Variants in TFCP2L1 observed in about 807,000 individuals in gnomAD.
TFCP2L1 encodes transcription factor CP2 like 1.
TFCP2L1 carries 12 observed loss-of-function variants against 72.2 expected under a neutral mutation model. That is an observed-to-expected ratio of 0.17 (90% CI 0.11 to 0.27). The LOEUF (loss-of-function observed/expected upper bound fraction) is 0.27, where lower values mean the gene tolerates loss of function less well. Among genes scored for constraint, TFCP2L1 ranks in the 10% least tolerant of loss-of-function variants. The probability of loss-of-function intolerance (pLI) is 1.00; values close to 1 mark genes in which losing one functional copy is unlikely to be tolerated. For missense variants in TFCP2L1, 488 were observed against 624.6 expected (o/e 0.78, Z 2.33); for synonymous variants, 260 against 251.0 (o/e 1.04, Z -0.34).
rs202049778 is a variant in TFCP2L1 at position 121,274,144 on chromosome 2, CAT to C, written c.214+6974_214+6975del. The stretch of plus-strand genomic sequence containing the variant: ...AACCAATTGTATCAATGCCTTTGGT[CAT>C]ATGATGAAGAATAAGCTACTTAAAT... On this transcript the variant is annotated intron_variant, in intron 2 of 14. Transcript: ENST00000263707. 2.0e-5 allele frequency among the ~76,000 whole-genome samples: 3 copies of C among 150,890 alleles called. No individual in the cohort carries two copies. In the East Asian group the frequency reaches 5.8e-4, roughly 29 times the overall value.
chr2:121,236,375 G>A (rs1686249525), intron 10 of TFCP2L1, among the ~76,000 whole-genome samples: 1 of 152,140 alleles, frequency 6.6e-6, no homozygotes, highest in African/African-American at 2.4e-5. Context: ...GTGAGGACGG[G>A]CCCACAGTTA....
At chr2:121,237,928 C>G in intron 8 of TFCP2L1, 78 bp from the exon 9 acceptor site, 1 of 1,466,808 alleles carries the variant, frequency 6.8e-7, no homozygotes, top group Middle Eastern at 1.7e-4. Flanking sequence ...CCCAGCCTGG[C>G]ACTTTTACTT....
At chr2:121,236,946 G>A (rs1020557548) in intron 10 of TFCP2L1, among the ~76,000 whole-genome samples, 2 of 152,206 alleles carry the variant, frequency 1.3e-5, no homozygotes, top group Non-Finnish European at 2.9e-5. Flanking sequence ...CAAGGACAGG[G>A]ACCCTCCCCC....
chr2:121,271,755 T>C (rs1396086579), intron 2 of TFCP2L1, among the ~76,000 whole-genome samples: 2 of 152,142 alleles, frequency 1.3e-5, no homozygotes, highest in Non-Finnish European at 2.9e-5. Context: ...CTCCAAAGAA[T>C]CAAGTGATTT....
At chr2:121,225,505 AG>A (rs1686010455) in intron 14 of TFCP2L1, 56 bp downstream of exon 14, 1 of 1,546,542 alleles carries the variant, frequency 6.5e-7, no homozygotes, top group African/African-American at 1.4e-5. Context: ...TCCTGCAGGC[AG>A]GCCCCACCCT....
intron 2 of TFCP2L1, among the ~76,000 whole-genome samples, chr2:121,252,002 C>T (rs760660176): frequency 6.6e-6 from 1 of 152,110 alleles, no homozygotes; most frequent in Non-Finnish European, 1.5e-5. Context: ...CCAGTGGCTA[C>T]GGGCATTCTA....
In TFCP2L1 at chr2:121,218,729, G is replaced by A. The variant is rs1685877464; in HGVS notation, c.*5612C>T. 1 of 152,406 alleles carries A rather than the reference G, an allele frequency of 6.6e-6. No individual in the cohort carries two copies. Among genetic ancestry groups the A allele is most frequent in the Admixed American group, 6.5e-5 (1 of 15,282 alleles). The allele number at this position is 152,406 out of a possible 1,614,324, so 9.4% of individuals were successfully genotyped here. A position where few individuals can be genotyped will look rare whatever the true frequency, so the allele number is the denominator to read the frequency against. On this transcript the variant is annotated 3_prime_UTR_variant, in exon 15 of 15. Coordinates refer to ENST00000263707, the MANE Select transcript of TFCP2L1 (RefSeq NM_014553.3). Reference sequence around the variant, plus strand: ...CTTCCTAAGGACACTGCCTCTAGAAGGCCCTAAAGTGGCAGAGCCGGGGAT... The same window carrying A: ...CTTCCTAAGGACACTGCCTCTAGAAAGCCCTAAAGTGGCAGAGCCGGGGAT...
chr2:121,256,622 C>CA (rs1210983148), intron 2 of TFCP2L1, among the ~76,000 whole-genome samples: 1 of 151,964 alleles, frequency 6.6e-6, no homozygotes, highest in Non-Finnish European at 1.5e-5. Flanking sequence ...ACTAAAAATA[C>CA]AAAAATTAGC....
chr2:121,230,777 A>C (rs1466909477), intron 13 of TFCP2L1, among the ~76,000 whole-genome samples: 2 of 151,316 alleles, frequency 1.3e-5, no homozygotes, highest in African/African-American at 2.4e-5. Flanking sequence ...CAACAACAAC[A>C]ACCAACAACA....
chr2:121,243,689 A>G (rs1686425046), intron 6 of TFCP2L1, among the ~76,000 whole-genome samples: 1 of 151,810 alleles, frequency 6.6e-6, no homozygotes, highest in African/African-American at 2.4e-5. Flanking sequence ...CGTGCTCCTT[A>G]TAAGAATCTA....
chr2:121,225,321 C>T (rs1330483261), intron 14 of TFCP2L1, among the ~76,000 whole-genome samples: 1 of 152,210 alleles, frequency 6.6e-6, no homozygotes, highest in African/African-American at 2.4e-5. Context: ...AATGCTTCTA[C>T]TCAACACTGA....
intron 10 of TFCP2L1, among the ~76,000 whole-genome samples, chr2:121,236,790 C>T (rs886762502): frequency 2.0e-5 from 3 of 152,132 alleles, no homozygotes; most frequent in Non-Finnish European, 2.9e-5. Flanking sequence ...GCTGACTGCC[C>T]TACTTAAGAC....
In TFCP2L1 at chr2:121,219,843, T is replaced by G. The variant is rs1291438340; in HGVS notation, c.*4498A>C. 1 of 152,146 alleles carries G rather than the reference T, an allele frequency of 6.6e-6. No individual in the cohort carries two copies. The highest frequency in any genetic ancestry group is 6.6e-5 in the Admixed American group (1 of 15,262). 9.4% of individuals were successfully genotyped at this position (152,146 alleles called of 1,614,324 possible). A position where few individuals can be genotyped will look rare whatever the true frequency, so the allele number is the denominator to read the frequency against. On this transcript the variant is annotated 3_prime_UTR_variant, in exon 15 of 15. Coordinates refer to ENST00000263707, the MANE Select transcript of TFCP2L1 (RefSeq NM_014553.3). The stretch of plus-strand genomic sequence containing the variant: ...CATTTCATGGCAGGTTGGTGCCATC[T>G]TCAGAGATCACCAAGCCTGTATTTG...
At chr2:121,265,427 T>C (rs1056630436) in intron 2 of TFCP2L1, among the ~76,000 whole-genome samples, 3 of 152,166 alleles carry the variant, frequency 2.0e-5, no homozygotes, top group South Asian at 2.1e-4. Flanking sequence ...ATAAAAAACA[T>C]TGAATTTTAT....
intron 6 of TFCP2L1, among the ~76,000 whole-genome samples, chr2:121,244,770 C>T (rs1047536872): frequency 4.6e-5 from 7 of 152,160 alleles, no homozygotes; most frequent in Non-Finnish European, 7.3e-5. Flanking sequence ...GGGAGTGAAC[C>T]GCTGCCTGAC....
rs148089570 is a variant in TFCP2L1, at chr2:121,268,996, C to CA, written c.214+12123dup. Among the ~76,000 whole-genome samples, 1,307 of 149,600 alleles carry CA rather than the reference C, an allele frequency of 8.7e-3. 28 individuals carry two copies. The highest frequency in any genetic ancestry group is 0.03 in the African/African-American group (1,229 of 40,598). ...ATTCCTTATGCACCATAATAAATGTCAAAGTATCAAAGATTAGGGAAAGGC... is the reference window on the plus strand; with the variant it reads ...ATTCCTTATGCACCATAATAAATGTCAAAAGTATCAAAGATTAGGGAAAGGC... On this transcript the variant is annotated intron_variant, in intron 2 of 14. Transcript: ENST00000263707.
chr2:121,260,305 AC>A (rs60122233), intron 2 of TFCP2L1, among the ~76,000 whole-genome samples: 48,742 of 151,844 alleles, frequency 0.32, 10,069 homozygotes, highest in African/African-American at 0.58. Context: ...GTTGACTCAG[AC>A]CCCTTGACAC....
At chr2:121,232,783 G>A (rs1686171165) in intron 12 of TFCP2L1, among the ~76,000 whole-genome samples, 1 of 152,144 alleles carries the variant, frequency 6.6e-6, no homozygotes, top group Non-Finnish European at 1.5e-5. Context: ...AGAGAAGAGA[G>A]CACCAGGAGG....
At chr2:121,264,964 C>T (rs1172581499) in intron 2 of TFCP2L1, among the ~76,000 whole-genome samples, 1 of 152,166 alleles carries the variant, frequency 6.6e-6, no homozygotes, top group African/African-American at 2.4e-5. Context: ...CCCAGCAATT[C>T]CCCTCCTACA....
Sources: allele counts gnomAD v4.1 joint callset (sites outside exome capture counted in the v4.1 genomes callset), GRCh38; gene constraint gnomAD v4.1.1; transcripts MANE v1.5; gene names NCBI Gene and HGNC (gene_info 2026-07-23, HGNC 2026-07-21).